The following LRP8 variants were observed in gnomAD, a reference collection of about 807,000 sequenced individuals.
LRP8 encodes the protein low-density lipoprotein receptor-related protein 8.
In LRP8, 46 loss-of-function variants were observed where a neutral mutation model predicts 111.6. The observed-to-expected ratio is 0.41, with a 90% confidence interval of 0.33 to 0.53. The LOEUF is 0.53. Among genes scored for constraint, LRP8 ranks in the 20% least tolerant of loss-of-function variants. LRP8 has a pLI of 0.20. For synonymous variants in LRP8, 464 were observed against 511.2 expected (o/e 0.91, Z 1.24); for missense variants, 959 against 1,297.4 (o/e 0.74, Z 4.01).
chr1:53,283,017 A>G (rs1478897569), intron 3 of LRP8, among the ~76,000 whole-genome samples: 1 of 152,066 alleles, frequency 6.6e-6, no homozygotes, highest in Non-Finnish European at 1.5e-5. Flanking sequence ...TGAAAATTTT[A>G]TATTTTTTCA....
intron 18 of LRP8, among the ~76,000 whole-genome samples, chr1:53,247,782 A>G (rs748559245): frequency 9.9e-5 from 15 of 152,230 alleles, no homozygotes; most frequent in Admixed American, 2.0e-4. Context: ...ACAGTTCTAC[A>G]TAGGACAACC....
chr1:53,299,044 C>T (rs1245965962), intron 2 of LRP8, among the ~76,000 whole-genome samples: 1 of 152,236 alleles, frequency 6.6e-6, no homozygotes, highest in Non-Finnish European at 1.5e-5. Flanking sequence ...GCAGCCAGGG[C>T]CAAGGAGGCC....
chr1:53,255,910 C>T (rs1303267723), intron 15 of LRP8, among the ~76,000 whole-genome samples: 1 of 152,168 alleles, frequency 6.6e-6, no homozygotes, highest in Non-Finnish European at 1.5e-5. Flanking sequence ...CTTGGCACAA[C>T]TTTGCCTAGT....
In LRP8 at chr1:53,317,560, CTTG is replaced by C. The variant is rs1029040243; in HGVS notation, c.244+9310_244+9312del. 1.2e-4 allele frequency among the ~76,000 whole-genome samples: 19 copies of C among 152,190 alleles called. No homozygotes were observed. The highest frequency in any genetic ancestry group is 1.3e-4 in the Non-Finnish European group (9 of 68,036). On this transcript the variant is annotated intron_variant, in intron 2 of 18. Coordinates refer to ENST00000306052, the MANE Select transcript of LRP8 (RefSeq NM_004631.5). This position sits in a 1 kb window ranked among gnomAD's most constrained non-coding sequence, Gnocchi z 4.9. ...CCTGCTGCTATTTTGCTGCTGCCCT[CTTG>C]TTGTGTCCTTGGTGGAGGAGGAGGA... is the stretch of plus-strand genomic sequence containing the variant.
chr1:53,302,697 CT>C (rs35419399), intron 2 of LRP8, among the ~76,000 whole-genome samples: 200 of 141,648 alleles, frequency 1.4e-3, no homozygotes, highest in Non-Finnish European at 1.6e-3. Context: ...CAATCAATGC[CT>C]TTTTTTTTTT....
chr1:53,326,202 T>A (rs562407376), intron 2 of LRP8, among the ~76,000 whole-genome samples: 5 of 152,220 alleles, frequency 3.3e-5, no homozygotes, highest in Admixed American at 1.3e-4. Context: ...AGGTCTTCAC[T>A]GTGACTCGGC....
At chr1:53,251,037 T>C (rs569777636) in intron 16 of LRP8, among the ~76,000 whole-genome samples, 175 bp from the exon 17 acceptor site, 4 of 152,330 alleles carry the variant, frequency 2.6e-5, no homozygotes, top group Admixed American at 1.3e-4. Context: ...TTTCCTTTAC[T>C]AACTATTCAT....
chr1:53,316,291 G>A (rs1653784303), intron 2 of LRP8, among the ~76,000 whole-genome samples: 1 of 152,068 alleles, frequency 6.6e-6, no homozygotes, highest in African/African-American at 2.4e-5. Context: ...GGCCCCTACA[G>A]TAGGCAGTAG....
rs1655384049 is a variant in LRP8, at chr1:53,327,841, CAGCAGCAGCAGCAGCA to C, written c.56_71del (p.Leu19ArgfsTer50). On this transcript the variant is annotated frameshift_variant, in exon 1 of 19. Coordinates refer to ENST00000306052, the MANE Select transcript of LRP8 (RefSeq NM_004631.5). LOFTEE classifies it high-confidence loss of function. ...CTGCCGCCGCAAGATGCTGGAGCTG[CAGCAGCAGCAGCAGCA>C]GCAGCAGCAGCAGCAGCGCCAGAAG... is the stretch of plus-strand genomic sequence containing the variant. 1.1e-4 allele frequency: 115 copies of C among 1,071,860 alleles called. No individual in the cohort carries two copies. Among genetic ancestry groups the C allele is most frequent in the South Asian group, 4.0e-4 (23 of 57,868 alleles). The allele number at this position is 1,071,860 out of a possible 1,614,324, so 66.4% of individuals were successfully genotyped here. A position where few individuals can be genotyped will look rare whatever the true frequency, so the allele number is the denominator to read the frequency against.
Position 53,327,942 on chromosome 1 carries a change from C to T in LRP8, c.-30G>A. 5 of 1,122,526 alleles carry T rather than the reference C, an allele frequency of 4.5e-6. No homozygotes were observed. Among genetic ancestry groups the T allele is most frequent in the Non-Finnish European group, 4.3e-6 (4 of 920,700 alleles). 69.5% of individuals were successfully genotyped at this position (1,122,526 alleles called of 1,614,324 possible). A position where few individuals can be genotyped will look rare whatever the true frequency, so the allele number is the denominator to read the frequency against. ...GGCCCGGGGCTCCGGCCGCCGCGCC[C>T]CGCGCTCCCCGCGCCGCCGCCGCCG... On this transcript the variant is annotated 5_prime_UTR_variant, in exon 1 of 19. Transcript: ENST00000306052.
At position 53,250,655 on chromosome 1, in the gene LRP8, G is replaced by A. The variant is rs374820069; in HGVS notation, c.2676+35C>T. On this transcript the variant is annotated intron_variant, in intron 17 of 18. Coordinates refer to ENST00000306052, the MANE Select transcript of LRP8 (RefSeq NM_004631.5). The surrounding 1 kb of genome is among the most constrained non-coding windows in gnomAD (Gnocchi z 4.6). ...AGAAAGGATGGAAGGGAAGATGGTC[G>A]GAAGGTAGGAATTCTCCCAGTGAGA... 254 of 1,589,030 alleles carry A rather than the reference G, an allele frequency of 1.6e-4. No homozygotes were observed. The African/African-American group carries it at 2.4e-3, about 15-fold the overall frequency.
At chr1:53,253,408 A>G (rs1409048513) in intron 16 of LRP8, among the ~76,000 whole-genome samples, 1 of 152,206 alleles carries the variant, frequency 6.6e-6, no homozygotes, top group Non-Finnish European at 1.5e-5. Flanking sequence ...TAAGAAAAAG[A>G]TAGCCAATAG....
chr1:53,322,584 G>A (rs528491954), intron 2 of LRP8, among the ~76,000 whole-genome samples: 1 of 152,182 alleles, frequency 6.6e-6, no homozygotes, highest in Admixed American at 6.5e-5. Flanking sequence ...GTCACAGAGG[G>A]CCAAATACAG....
intron 2 of LRP8, among the ~76,000 whole-genome samples, chr1:53,307,027 A>C (rs2100511889): frequency 6.6e-6 from 1 of 152,320 alleles, no homozygotes; most frequent in East Asian, 1.9e-4. Context: ...TCCTTGAAAC[A>C]GGAAGAACAC....
chr1:53,273,098 C>T (rs1202667547), intron 6 of LRP8, among the ~76,000 whole-genome samples: 1 of 152,174 alleles, frequency 6.6e-6, no homozygotes, highest in Non-Finnish European at 1.5e-5. Flanking sequence ...CCTGTCTGTC[C>T]CTGTAACCTT....
At chr1:53,326,364 C>A (rs562536912) in intron 2 of LRP8, among the ~76,000 whole-genome samples, 11 of 152,360 alleles carry the variant, frequency 7.2e-5, no homozygotes, top group Admixed American at 2.0e-4. Flanking sequence ...ATTGGCCGCT[C>A]CGGCCACGGG....
intron 2 of LRP8, among the ~76,000 whole-genome samples, chr1:53,326,588 CCGGTTCAGTCTCCCCAGCA>C (rs1655157651): frequency 6.6e-6 from 1 of 151,584 alleles, no homozygotes; most frequent in African/African-American, 2.4e-5. Context: ...GCCCACAGCT[CCGGTTCAGTCTCCCCAGCA>C]TGGTGCGCCT....
At chr1:53,263,451 G>C (rs1241128855) in intron 10 of LRP8, among the ~76,000 whole-genome samples, 2 of 152,174 alleles carry the variant, frequency 1.3e-5, no homozygotes, top group Non-Finnish European at 2.9e-5. Context: ...AACTTAACAT[G>C]ATATAACGCT....
chr1:53,278,109 G>A (rs1379181393), intron 4 of LRP8, among the ~76,000 whole-genome samples: 2 of 152,232 alleles, frequency 1.3e-5, no homozygotes, highest in African/African-American at 4.8e-5. Flanking sequence ...GGGAAACTGA[G>A]GCCCAGAGAG....
Sources: allele counts gnomAD v4.1 joint callset (sites outside exome capture counted in the v4.1 genomes callset), GRCh38; gene constraint gnomAD v4.1.1; non-coding constraint Gnocchi (gnomAD v3.1); transcripts MANE v1.5; gene names NCBI Gene and HGNC (gene_info 2026-07-23, HGNC 2026-07-21).